The following GALNTL6 variants were observed in gnomAD, a reference collection of about 807,000 sequenced individuals.
The protein encoded by GALNTL6 is polypeptide N-acetylgalactosaminyltransferase like 6, also known as polypeptide N-acetylgalactosaminyltransferase-like 6.
A neutral mutation model predicts 73.7 loss-of-function variants in GALNTL6; 46 were observed. The ratio of observed to expected loss-of-function variants is 0.62; its 90% CI spans 0.49 to 0.80. The LOEUF (loss-of-function observed/expected upper bound fraction) is 0.80, where lower values mean the gene tolerates loss of function less well. Ranked by LOEUF, GALNTL6 falls within the 30% of genes least tolerant of loss-of-function variation. The pLI, the probability that GALNTL6 is intolerant of heterozygous loss-of-function variation, is 0.00. For synonymous variants in GALNTL6, 259 were observed against 263.7 expected (o/e 0.98, Z 0.17); for missense variants, 604 against 755.0 (o/e 0.80, Z 2.34).
chr4:172,399,743 G>A (rs1172956905), intron 5 of GALNTL6, among the ~76,000 whole-genome samples: 2 of 151,924 alleles, frequency 1.3e-5, no homozygotes, highest in Non-Finnish European at 2.9e-5. Context: ...AACTTTTTAT[G>A]GAAATTGATG....
chr4:172,320,016 C>T (rs1051769044), intron 4 of GALNTL6, among the ~76,000 whole-genome samples: 2 of 152,084 alleles, frequency 1.3e-5, no homozygotes, highest in African/African-American at 2.4e-5. Context: ...GGCCTCACTC[C>T]GAATCCAAGA....
intron 3 of GALNTL6, among the ~76,000 whole-genome samples, chr4:172,250,508 C>T (rs1737822213): frequency 6.6e-6 from 1 of 152,076 alleles, no homozygotes; most frequent in Admixed American, 6.6e-5. Flanking sequence ...CCACCCAAAT[C>T]TCATCTTGAA....
rs71592072 is a variant in GALNTL6 at position 172,370,630 on chromosome 4, C to CAAAAAA, written c.553+21957_553+21962dup. 6.2e-3 allele frequency among the ~76,000 whole-genome samples: 371 copies of CAAAAAA among 59,772 alleles called. 6 individuals are homozygous for CAAAAAA. Among genetic ancestry groups the CAAAAAA allele is most frequent in the Non-Finnish European group, 9.2e-3 (287 of 31,186 alleles). 39.2% of individuals were successfully genotyped at this position (59,772 alleles called of 152,430 possible). On this transcript the variant is annotated intron_variant, in intron 5 of 12. Transcript: ENST00000506823. ...TGGGCGACAGAGTGAGACTCCATCTCAAAAAAAAAAAAAAAAAAAAAGAGT... is the reference window on the plus strand; with the variant it reads ...TGGGCGACAGAGTGAGACTCCATCTCAAAAAAAAAAAAAAAAAAAAAAAAAAAGAGT...
At chr4:172,633,100 G>A (rs1739484499) in intron 5 of GALNTL6, among the ~76,000 whole-genome samples, 1 of 152,242 alleles carries the variant, frequency 6.6e-6, no homozygotes, top group Admixed American at 6.5e-5. Context: ...CTAGGGCAGT[G>A]TGGAAGGGAA....
chr4:172,493,957 C>G (rs1462177318), intron 5 of GALNTL6, among the ~76,000 whole-genome samples: 1 of 152,112 alleles, frequency 6.6e-6, no homozygotes, highest in African/African-American at 2.4e-5. Flanking sequence ...ACCTTAAACT[C>G]TCTCCCTCCA....
At chr4:172,373,130 CT>C (rs1742885043) in intron 5 of GALNTL6, among the ~76,000 whole-genome samples, 1 of 152,208 alleles carries the variant, frequency 6.6e-6, no homozygotes, top group South Asian at 2.1e-4. Flanking sequence ...TGGCCTAGAT[CT>C]TGGGCCAGTG....
intron 7 of GALNTL6, among the ~76,000 whole-genome samples, chr4:172,825,053 TTTC>T (rs536482168): frequency 0.017 from 1,170 of 68,430 alleles, 23 homozygotes; most frequent in African/African-American, 0.037. Context: ...ACAATTCTTT[TTTC>T]TTTTTTTTTT....
At chr4:172,813,849 A>C (rs1741453910) in intron 7 of GALNTL6, 126 bp downstream of exon 7, 4 of 683,786 alleles carry the variant, frequency 5.8e-6, no homozygotes, top group East Asian at 2.7e-5. Flanking sequence ...ACAATATGCA[A>C]AACATCACAG....
chr4:172,201,546 A>G (rs1258606829), intron 2 of GALNTL6, among the ~76,000 whole-genome samples: 1 of 151,784 alleles, frequency 6.6e-6, no homozygotes, highest in Middle Eastern at 3.4e-3. Flanking sequence ...TTTAATAAGA[A>G]TAGTTGGTTG....
intron 2 of GALNTL6, among the ~76,000 whole-genome samples, chr4:172,151,048 A>C (rs1734074087): frequency 6.6e-6 from 1 of 152,214 alleles, no homozygotes; most frequent in Non-Finnish European, 1.5e-5. Flanking sequence ...CCTAAAGAAC[A>C]CATCCAGTGA....
chr4:172,844,100 T>G (rs761035918), intron 7 of GALNTL6, among the ~76,000 whole-genome samples: 14 of 152,056 alleles, frequency 9.2e-5, no homozygotes, highest in Non-Finnish European at 2.1e-4. Context: ...GTTGACAGCT[T>G]GAATTGGGAG....
intron 3 of GALNTL6, among the ~76,000 whole-genome samples, chr4:172,257,806 A>G (rs76959561): frequency 1.6e-3 from 247 of 151,526 alleles, no homozygotes; most frequent in African/African-American, 5.6e-3. Flanking sequence ...ATTGCTACAT[A>G]TTAATTTACA....
chr4:172,410,001 T>G (rs76850924), intron 5 of GALNTL6, among the ~76,000 whole-genome samples: 1 of 152,016 alleles, frequency 6.6e-6, no homozygotes, highest in Non-Finnish European at 1.5e-5. Context: ...AAAAATTTAT[T>G]TCTAGATTTT....
chr4:172,906,358 CAG>C (rs1323178243), intron 8 of GALNTL6, among the ~76,000 whole-genome samples: 2 of 152,054 alleles, frequency 1.3e-5, no homozygotes, highest in Non-Finnish European at 2.9e-5. Context: ...ATAGGTGAAA[CAG>C]ATGATTTCTA....
chr4:172,232,260 C>A (rs985310017), intron 3 of GALNTL6, among the ~76,000 whole-genome samples: 1 of 152,098 alleles, frequency 6.6e-6, no homozygotes, highest in South Asian at 2.1e-4. Context: ...GTAGTTTTTA[C>A]TGCCAGTGTA....
intron 10 of GALNTL6, among the ~76,000 whole-genome samples, chr4:172,991,587 T>TC (rs1751548889): frequency 6.6e-6 from 1 of 151,972 alleles, no homozygotes; most frequent in African/African-American, 2.4e-5. Context: ...GTTTTTTTTT[T>TC]AGTAGAGACG....
intron 2 of GALNTL6, among the ~76,000 whole-genome samples, chr4:172,138,501 A>T (rs1733706270): frequency 1.2e-4 from 1 of 8,244 alleles, no homozygotes; most frequent in African/African-American, 3.8e-4. Flanking sequence ...ATATATATAT[A>T]TATATATATA....
At chr4:172,908,487 A>AG (rs917063653) in intron 8 of GALNTL6, among the ~76,000 whole-genome samples, 1 of 151,976 alleles carries the variant, frequency 6.6e-6, no homozygotes, top group African/African-American at 2.4e-5. Flanking sequence ...ATTAGAAAGC[A>AG]GGGGGGAAAT....
intron 2 of GALNTL6, among the ~76,000 whole-genome samples, chr4:171,869,144 T>C (rs1736063420): frequency 6.6e-6 from 1 of 152,174 alleles, no homozygotes; most frequent in Non-Finnish European, 1.5e-5. Flanking sequence ...CTTCAAGCTA[T>C]GGGGTCAGGA....
Sources: gnomAD v4.1 joint callset for allele counts (sites outside exome capture counted in the v4.1 genomes callset) on GRCh38, gnomAD v4.1.1 for gene constraint, MANE v1.5 for transcripts, NCBI Gene and HGNC (gene_info 2026-07-23, HGNC 2026-07-21) for gene names.